Variants in NME9 observed in about 807,000 individuals in gnomAD.
The protein encoded by NME9 is thioredoxin domain-containing protein 6.
A neutral mutation model predicts 44.4 loss-of-function variants in NME9; 48 were observed. The observed-to-expected ratio is 1.08, with a 90% confidence interval of 0.86 to 1.37. NME9 has a LOEUF of 1.37. NME9 is among the 40% of genes most tolerant of loss of function. The pLI is 0.00. For synonymous variants in NME9, 139 were observed against 147.1 expected, an observed-to-expected ratio of 0.94 and a Z score of 0.40; for missense variants, 325 against 405.2, an observed-to-expected ratio of 0.80 and a Z score of 1.70.
chr3:138,318,014 T>C, intron 4 of NME9, 134 bp downstream of exon 4: 1 of 664,552 alleles, frequency 1.5e-6, no homozygotes, highest in Admixed American at 2.3e-5. Context: ...CAGCATCACT[T>C]GTTTGAATCT....
At chr3:138,324,725 CACACACACACACACAT>C (rs1217777849) in intron 2 of NME9, 132 bp downstream of exon 2, 75 of 667,028 alleles carry the variant, frequency 1.1e-4, no homozygotes, top group Admixed American at 2.4e-4. Context: ...CACACACACA[CACACACACACACACAT>C]CACCTGGTTT....
chr3:138,299,386 C>G (rs925722309), downstream of NME9, among the ~76,000 whole-genome samples: 2 of 152,168 alleles, frequency 1.3e-5, no homozygotes, highest in Non-Finnish European at 2.9e-5. Flanking sequence ...GCCTGCCCTC[C>G]TCGTCAGGCA....
exon 9 of NME9, chr3:138,262,473 T>C (rs2047838571): frequency 1.3e-6 from 2 of 1,549,084 alleles, no homozygotes; most frequent in Admixed American, 2.0e-5. Context: ...TCTTCTTGTT[T>C]GGCTGAAACA....
chr3:138,281,660 A>G (rs1334602483), intron 8 of NME9, among the ~76,000 whole-genome samples: 2 of 152,172 alleles, frequency 1.3e-5, no homozygotes, highest in African/African-American at 2.4e-5. Context: ...ATGAGCTTCA[A>G]AACAGAACTG....
At chr3:138,284,374 A>G in intron 8 of NME9, 1 of 1,381,988 alleles carries the variant, frequency 7.2e-7, no homozygotes, top group Non-Finnish European at 1.0e-6. Flanking sequence ...CTCTTGAGAC[A>G]GCTTGACTCT....
intron 1 of NME9, chr3:138,326,958 A>G (rs1375692660): frequency 7.0e-6 from 1 of 142,370 alleles, no homozygotes; most frequent in Non-Finnish European, 1.5e-5. Flanking sequence ...CCTGGCCAAC[A>G]TGGTGAAACC....
At chr3:138,288,844 A>C (rs1321606529) in intron 8 of NME9, among the ~76,000 whole-genome samples, 2 of 151,838 alleles carry the variant, frequency 1.3e-5, no homozygotes, top group Admixed American at 6.6e-5. Flanking sequence ...CACTGTGTTA[A>C]TCATCCTAGT....
intron 6 of NME9, among the ~76,000 whole-genome samples, chr3:138,307,341 A>C (rs1325293224): frequency 6.6e-6 from 1 of 152,180 alleles, no homozygotes; most frequent in Non-Finnish European, 1.5e-5. Flanking sequence ...CCATGAGCCC[A>C]TCTCCATTGT....
At chr3:138,302,394 C>CT (rs1183211133) in intron 10 of NME9, among the ~76,000 whole-genome samples, 2 of 152,192 alleles carry the variant, frequency 1.3e-5, no homozygotes, top group Non-Finnish European at 2.9e-5. Context: ...AGACTTGGCT[C>CT]TGAGTTACAG....
At chr3:138,311,434 A>C (rs2052697704) in intron 6 of NME9, among the ~76,000 whole-genome samples, 1 of 152,222 alleles carries the variant, frequency 6.6e-6, no homozygotes, top group Non-Finnish European at 1.5e-5. Flanking sequence ...AGACAAGGAC[A>C]CAACAAAACG....
In NME9 at chr3:138,305,996, G is replaced by A. The variant is rs778994337; in HGVS notation, c.636+8C>T. 6.4e-7 allele frequency: 1 copy of A among 1,570,666 alleles called. No homozygotes were observed. Among genetic ancestry groups the A allele is most frequent in the Non-Finnish European group, 8.8e-7 (1 of 1,140,482 alleles). On this transcript the variant is annotated splice_region_variant and intron_variant, in intron 8 of 10. Transcript: ENST00000333911. The stretch of plus-strand genomic sequence containing the variant: ...GTGTGTTGAACTTGTGGAAGTAGAT[G>A]AGCTGACCTCTCCAGCTTTGTGTTG...
At chr3:138,322,146 T>C (rs1393324098) in intron 2 of NME9, among the ~76,000 whole-genome samples, 1 of 152,024 alleles carries the variant, frequency 6.6e-6, no homozygotes, top group Non-Finnish European at 1.5e-5. Flanking sequence ...GCCAGGAAAA[T>C]GTCCCTGAAG....
intron 8 of NME9, chr3:138,288,911 A>G: frequency 1.6e-6 from 1 of 639,444 alleles, no homozygotes; most frequent in Non-Finnish European, 2.8e-6. Flanking sequence ...TGCTGGGATT[A>G]CAGGCATGAG....
chr3:138,318,965 T>C (rs932712209), intron 3 of NME9, among the ~76,000 whole-genome samples: 6 of 151,994 alleles, frequency 3.9e-5, no homozygotes, highest in African/African-American at 1.5e-4. Flanking sequence ...TGGGACGCTG[T>C]GGTGGGAGGA....
At chr3:138,284,652 TC>T in intron 8 of NME9, 1 of 684,288 alleles carries the variant, frequency 1.5e-6, no homozygotes, top group East Asian at 2.6e-5. Flanking sequence ...CTCCTCAGAT[TC>T]AAAGAACTCT....
intron 9 of NME9, 31 bp downstream of exon 9, chr3:138,304,842 T>C (rs758187001): frequency 3.7e-6 from 6 of 1,606,066 alleles, no homozygotes; most frequent in Non-Finnish European, 4.3e-6. Flanking sequence ...GGTTTTAAGA[T>C]GGATGAAAGG....
chr3:138,305,099 C>T (rs528909247), intron 8 of NME9, 72 bp from the exon 9 acceptor site: 19 of 1,414,472 alleles, frequency 1.3e-5, no homozygotes, highest in African/African-American at 2.8e-5. Flanking sequence ...GCGAGCCCAT[C>T]TCACCCACGG....
At chr3:138,305,354 G>T (rs74728729) in intron 8 of NME9, among the ~76,000 whole-genome samples, 2 of 152,170 alleles carry the variant, frequency 1.3e-5, no homozygotes, top group Non-Finnish European at 2.9e-5. Flanking sequence ...TATGGAAATC[G>T]TGTGATGCTG....
At chr3:138,282,405 T>C (rs1238626351) in intron 8 of NME9, among the ~76,000 whole-genome samples, 1 of 152,124 alleles carries the variant, frequency 6.6e-6, no homozygotes, top group East Asian at 1.9e-4. Context: ...CCCAGCACTT[T>C]GGGAGGCCAG....
Sources: gnomAD v4.1 joint callset for allele counts (sites outside exome capture counted in the v4.1 genomes callset) on GRCh38, gnomAD v4.1.1 for gene constraint, MANE v1.5 for transcripts, NCBI Gene and HGNC (gene_info 2026-07-23, HGNC 2026-07-21) for gene names.